CREB5: variants seen among roughly 807,000 people sequenced by gnomAD.
CREB5 encodes cyclic AMP-responsive element-binding protein 5.
Under a neutral mutation model 57.1 loss-of-function variants are expected in CREB5, and 19 were observed. The observed-to-expected ratio is 0.33, with a 90% CI of 0.23 to 0.49. The LOEUF is 0.49. CREB5 is among the 20% of genes least tolerant of loss of function. The pLI is 0.99. For synonymous variants in CREB5, 238 were observed against 238.3 expected (o/e 1.00, Z 0.01); for missense variants, 579 against 671.6 (o/e 0.86, Z 1.52).
chr7:28,487,786 C>A, intron 1 of CREB5, among the ~76,000 whole-genome samples: 1 of 152,146 alleles, frequency 6.6e-6, no homozygotes, highest in Non-Finnish European at 1.5e-5. Flanking sequence ...AGTAGCAAAT[C>A]CCAAAAGCTT....
chr7:28,426,793 G>T (rs1408257763), intron 1 of CREB5, among the ~76,000 whole-genome samples: 3 of 152,148 alleles, frequency 2.0e-5, no homozygotes, highest in Non-Finnish European at 2.9e-5. Context: ...TCCCTCTCCT[G>T]GATTGTAAGC....
At chr7:28,762,733 T>C (rs570748819) in intron 7 of CREB5, among the ~76,000 whole-genome samples, 1 of 152,114 alleles carries the variant, frequency 6.6e-6, no homozygotes, top group Admixed American at 6.5e-5. Context: ...TGGTTTTTTT[T>C]TTTTCTTTTT....
intron 1 of CREB5, among the ~76,000 whole-genome samples, chr7:28,379,713 C>T (rs1466660457): frequency 6.6e-6 from 1 of 152,160 alleles, no homozygotes; most frequent in Non-Finnish European, 1.5e-5. Context: ...TTAAAAAGCT[C>T]TCCAGGGATT....
At chr7:28,673,053 G>A (rs902108796) in intron 5 of CREB5, among the ~76,000 whole-genome samples, 1 of 152,076 alleles carries the variant, frequency 6.6e-6, no homozygotes, top group East Asian at 1.9e-4. Context: ...CATCTTCTGG[G>A]GAGGGAAGGA....
intron 1 of CREB5, among the ~76,000 whole-genome samples, chr7:28,399,688 G>A (rs1787412826): frequency 6.6e-6 from 1 of 152,180 alleles, no homozygotes; most frequent in African/African-American, 2.4e-5. Context: ...GGCTGAGTAG[G>A]AGGATTGCTT....
intron 5 of CREB5, among the ~76,000 whole-genome samples, chr7:28,585,761 T>G: frequency 6.6e-6 from 1 of 151,150 alleles, no homozygotes; most frequent in East Asian, 1.9e-4. Flanking sequence ...CCACCCAGAG[T>G]GAGCCCGCAT....
intron 1 of CREB5, among the ~76,000 whole-genome samples, chr7:28,337,619 G>T (rs1785851261): frequency 6.6e-6 from 1 of 151,966 alleles, no homozygotes; most frequent in Non-Finnish European, 1.5e-5. Context: ...GTAGGCGGTA[G>T]ATCATTGGGT....
chr7:28,434,463 G>A (rs759901357), intron 1 of CREB5, among the ~76,000 whole-genome samples: 2 of 151,826 alleles, frequency 1.3e-5, no homozygotes, highest in African/African-American at 2.4e-5. Context: ...CCCATGCTAG[G>A]TGAATTTCTT....
At chr7:28,490,585 C>T (rs1159619989) in intron 2 of CREB5, among the ~76,000 whole-genome samples, 1 of 152,334 alleles carries the variant, frequency 6.6e-6, no homozygotes, top group Non-Finnish European at 1.5e-5. Flanking sequence ...CCAAGCTTGG[C>T]ACCGTTAATA....
chr7:28,585,379 C>CGT (rs1252748762), intron 5 of CREB5, among the ~76,000 whole-genome samples: 2 of 152,048 alleles, frequency 1.3e-5, no homozygotes, highest in East Asian at 1.9e-4. Context: ...CTTGTTTTTC[C>CGT]GTGTGTGTGT....
intron 1 of CREB5, among the ~76,000 whole-genome samples, chr7:28,334,808 T>A (rs558116889): frequency 6.6e-6 from 1 of 152,194 alleles, no homozygotes; most frequent in Non-Finnish European, 1.5e-5. Context: ...GTTTCCATGA[T>A]GTTTTTCTTA....
chr7:28,359,425 G>A (rs964678273), intron 1 of CREB5, among the ~76,000 whole-genome samples: 8 of 152,092 alleles, frequency 5.3e-5, no homozygotes, highest in Admixed American at 6.6e-5. Context: ...GTGCATTTAC[G>A]GCCAATTGAT....
At chr7:28,555,504 C>T (rs1430233203) in intron 4 of CREB5, among the ~76,000 whole-genome samples, 1 of 152,126 alleles carries the variant, frequency 6.6e-6, no homozygotes, top group African/African-American at 2.4e-5. Flanking sequence ...TAAATCCATC[C>T]ATAGGGTTTG....
intron 1 of CREB5, among the ~76,000 whole-genome samples, chr7:28,438,747 G>T (rs138761595): frequency 7.2e-4 from 110 of 152,310 alleles, no homozygotes; most frequent in African/African-American, 2.4e-3. Context: ...GGAATCCAGA[G>T]ACCCCCAAGT....
At chr7:28,406,144 C>T (rs1787574997) in intron 1 of CREB5, among the ~76,000 whole-genome samples, 1 of 152,212 alleles carries the variant, frequency 6.6e-6, no homozygotes. Flanking sequence ...ACCCAAAGTA[C>T]AGAGCTAAAG....
intron 1 of CREB5, among the ~76,000 whole-genome samples, chr7:28,399,609 T>C (rs1261470582): frequency 6.6e-6 from 1 of 152,144 alleles, no homozygotes; most frequent in Non-Finnish European, 1.5e-5. Context: ...ACTGGACCCC[T>C]ACCTCTTACC....
At chr7:28,560,669 GAGA>G (rs1048879605) in intron 4 of CREB5, among the ~76,000 whole-genome samples, 59 of 152,084 alleles carry the variant, frequency 3.9e-4, no homozygotes, top group African/African-American at 1.4e-3. Context: ...CGACAGACTG[GAGA>G]AGTTCAGCAG....
At chr7:28,416,400 G>A (rs1031333455) in intron 1 of CREB5, among the ~76,000 whole-genome samples, 12 of 152,318 alleles carry the variant, frequency 7.9e-5, no homozygotes, top group African/African-American at 2.4e-4. Context: ...AGAAATACAT[G>A]TAATCTCTAT....
chr7:28,567,051 G>A (rs143605931), intron 4 of CREB5, among the ~76,000 whole-genome samples: 46 of 152,212 alleles, frequency 3.0e-4, no homozygotes, highest in East Asian at 1.5e-3. Context: ...TCTTTGTGCC[G>A]CAGCATAAGT....
Sources: gnomAD v4.1 joint callset for allele counts (sites outside exome capture counted in the v4.1 genomes callset) on GRCh38, gnomAD v4.1.1 for gene constraint, MANE v1.5 for transcripts, NCBI Gene and HGNC (gene_info 2026-07-23, HGNC 2026-07-21) for gene names.